The following STOX2 variants were observed in gnomAD, a reference collection of about 807,000 sequenced individuals.
STOX2 encodes the protein storkhead box 2, also known as storkhead-box protein 2.
Under a neutral mutation model 60.9 loss-of-function variants are expected in STOX2, and 28 were observed. The ratio of observed to expected loss-of-function variants is 0.46; its 90% CI spans 0.34 to 0.63. The LOEUF is 0.63. STOX2 is among the 30% of genes least tolerant of loss of function. The pLI is 0.01. For synonymous variants in STOX2, 472 were observed against 463.9 expected (o/e 1.02, Z -0.22); for missense variants, 1,024 against 1,187.7 (o/e 0.86, Z 2.03).
At chr4:183,860,088 C>CTT (rs34734140) in intron 1 of STOX2, among the ~76,000 whole-genome samples, 153 of 149,506 alleles carry the variant, frequency 1.0e-3, no homozygotes, top group Middle Eastern at 3.4e-3. Flanking sequence ...AAATCATATT[C>CTT]TTTTTTTTTT....
chr4:184,014,110 CAAA>C (rs10527539), intron 3 of STOX2: 2 of 138,642 alleles, frequency 1.4e-5, no homozygotes, highest in African/African-American at 5.4e-5. Context: ...AAGCCCCAAC[CAAA>C]AAAAAAAAAA....
Position 184,009,167 on chromosome 4 carries a change from C to G in STOX2, c.329C>G (p.Thr110Arg). Reference protein sequence around the residue: ...HLTTCFPGVPTPSQEILRHTL... With the variant: ...HLTTCFPGVPRPSQEILRHTL... ...TTTTTTTTTTTTTCAGGTGTTCCAA[C>G]GCCAAGCCAAGAAATTCTGCGGCAC... The change falls in exon 3 of 4, where the codon ACG becomes AGG. Residue 110 changes from threonine (T) to arginine (R), a missense_variant. Thr to Arg is a moderately conservative substitution (Grantham distance 71). Around this residue, in one of 3 missense-constraint regions of STOX2, gnomAD observed 922 missense variants for 1,058.3 expected, o/e 0.87. Transcript: ENST00000308497. This position sits in a 1 kb window ranked among gnomAD's most constrained non-coding sequence, Gnocchi z 4.0. 1 of 700,610 alleles carries G rather than the reference C, an allele frequency of 1.4e-6. No homozygotes were observed. The highest frequency in any genetic ancestry group is 2.2e-6 in the Non-Finnish European group (1 of 456,032). 43.4% of individuals were successfully genotyped at this position (700,610 alleles called of 1,614,324 possible).
chr4:183,964,783 C>G (rs1179692582), intron 1 of STOX2, among the ~76,000 whole-genome samples: 1 of 152,088 alleles, frequency 6.6e-6, no homozygotes, highest in Non-Finnish European at 1.5e-5. Context: ...GGGGTTTCAC[C>G]ATATTGGCCA....
intron 1 of STOX2, among the ~76,000 whole-genome samples, chr4:183,810,563 G>A (rs1347007435): frequency 6.6e-6 from 1 of 152,200 alleles, no homozygotes; most frequent in Non-Finnish European, 1.5e-5. Context: ...GTTCCCCAAA[G>A]TTCGTATCTT....
chr4:183,944,684 A>G (rs1196112587), intron 1 of STOX2, among the ~76,000 whole-genome samples: 2 of 152,262 alleles, frequency 1.3e-5, no homozygotes, highest in Non-Finnish European at 2.9e-5. Flanking sequence ...ACTGCACCCC[A>G]GCCTAGGTGA....
intron 1 of STOX2, among the ~76,000 whole-genome samples, chr4:183,832,772 G>A (rs555885985): frequency 5.8e-4 from 89 of 152,182 alleles, no homozygotes; most frequent in East Asian, 5.8e-3. Context: ...TTAGAGGCGT[G>A]AGCCACCACA....
rs1333379736 is a variant in STOX2, at chr4:183,806,438, T to C, written c.364+8383T>C. The stretch of plus-strand genomic sequence containing the variant: ...GGAGCTCACGGAGGGCTTCCTGGTG[T>C]CTTGAAGGGGTGGAATCCAGTCTGG... On this transcript the variant is annotated intron_variant, in intron 1 of 2. Transcript: ENST00000513034. This position sits in a 1 kb window ranked among gnomAD's most constrained non-coding sequence, Gnocchi z 4.1. 6.6e-6 allele frequency among the ~76,000 whole-genome samples: 1 copy of C among 152,098 alleles called. No individual in the cohort carries two copies. Among genetic ancestry groups the C allele is most frequent in the African/African-American group, 2.4e-5 (1 of 41,426 alleles).
chr4:183,811,928 ATTTTTTT>A (rs529589265), intron 1 of STOX2, among the ~76,000 whole-genome samples: 1,983 of 129,702 alleles, frequency 0.015, 49 homozygotes, highest in African/African-American at 0.051. Flanking sequence ...GAAAGCCTGG[ATTTTTTT>A]TTTTTTTTTT....
rs531173748 is a variant in STOX2 at position 183,815,860 on chromosome 4, T to C, written c.364+17805T>C. Among the ~76,000 whole-genome samples the C allele has an allele frequency of 3.9e-5, 6 of 152,350 alleles. No individual in the cohort carries two copies. In the East Asian group the frequency reaches 1.2e-3, roughly 29 times the overall value. ...CTATTTTCAGGAAGGCAGAGGAAAA[T>C]GTCAAACTTTAGACAACTTGTGTGT... On this transcript the variant is annotated intron_variant, in intron 1 of 2. Coordinates refer to the STOX2 transcript ENST00000513034.
rs570330323 is a variant in STOX2, at chr4:183,804,052, G to A, written c.364+5997G>A. On this transcript the variant is annotated intron_variant, in intron 1 of 2. Coordinates refer to the STOX2 transcript ENST00000513034. ...AATTAAGCACTTGATAGAATAGAGA[G>A]CGCTGGGGAGAAATGACAGAATAGC... 8.1e-4 allele frequency among the ~76,000 whole-genome samples: 124 copies of A among 152,230 alleles called. 1 individual carries two copies. The highest frequency in any genetic ancestry group is 2.3e-3 in the South Asian group (11 of 4,818).
intron 1 of STOX2, among the ~76,000 whole-genome samples, chr4:183,838,692 C>T (rs968313610): frequency 3.9e-5 from 6 of 152,198 alleles, no homozygotes; most frequent in Admixed American, 6.5e-5. Flanking sequence ...CTGTGCTTCC[C>T]ATTCCAGGGG....
At chr4:183,888,372 C>A (rs1402914553) in intron 1 of STOX2, among the ~76,000 whole-genome samples, 1 of 152,196 alleles carries the variant, frequency 6.6e-6, no homozygotes, top group Non-Finnish European at 1.5e-5. Context: ...CCCCGTTTTA[C>A]AGCCGGGGAA....
chr4:183,998,873 G>A (rs1279097292), intron 1 of STOX2, among the ~76,000 whole-genome samples: 1 of 151,934 alleles, frequency 6.6e-6, no homozygotes, highest in Non-Finnish European at 1.5e-5. Context: ...ACTTCATTTG[G>A]GCTGGGCATG....
chr4:183,912,438 C>A (rs1255233707), intron 1 of STOX2, among the ~76,000 whole-genome samples: 1 of 152,146 alleles, frequency 6.6e-6, no homozygotes, highest in Non-Finnish European at 1.5e-5. Context: ...GAGCTCTTTA[C>A]CTGCATCAGC....
intron 1 of STOX2, among the ~76,000 whole-genome samples, chr4:183,800,253 G>A (rs934284536): frequency 8.5e-5 from 13 of 152,098 alleles, no homozygotes; most frequent in African/African-American, 2.9e-4. Context: ...AAGCTGATGA[G>A]GATTGGCTCA....
chr4:183,856,124 C>G lies in STOX2; in HGVS notation c.364+58069C>G, dbSNP rs1199982873. ...TCTCAGAAACATCCTAAGTGCGCAC[C>G]CTGGGGTCTCGAATAGGCTGGTCAC... is the stretch of plus-strand genomic sequence containing the variant. On this transcript the variant is annotated intron_variant, in intron 1 of 2. Transcript: ENST00000513034. The surrounding 1 kb of genome is among the most constrained non-coding windows in gnomAD (Gnocchi z 4.0). 6.6e-6 allele frequency among the ~76,000 whole-genome samples: 1 copy of G among 152,054 alleles called. No homozygotes were observed. Among genetic ancestry groups the G allele is most frequent in the East Asian group, 1.9e-4 (1 of 5,194 alleles).
intron 1 of STOX2, among the ~76,000 whole-genome samples, chr4:183,958,764 G>A (rs1743330954): frequency 6.6e-6 from 1 of 152,126 alleles, no homozygotes; most frequent in African/African-American, 2.4e-5. Context: ...GTCTGCCTCG[G>A]TGTCCCGGGC....
intron 1 of STOX2, among the ~76,000 whole-genome samples, chr4:183,950,323 A>G (rs1351938537): frequency 1.3e-5 from 2 of 152,198 alleles, no homozygotes; most frequent in Non-Finnish European, 2.9e-5. Context: ...CTCCGCCTTC[A>G]TGGACCTACA....
chr4:183,981,596 C>G (rs764212841), intron 1 of STOX2, among the ~76,000 whole-genome samples: 1 of 152,152 alleles, frequency 6.6e-6, no homozygotes, highest in Non-Finnish European at 1.5e-5. Flanking sequence ...AATTTAGAAT[C>G]TGGCTTTTTA....
Sources: allele counts gnomAD v4.1 joint callset (sites outside exome capture counted in the v4.1 genomes callset), GRCh38; gene constraint gnomAD v4.1.1; regional missense constraint gnomAD v4.1.1; non-coding constraint Gnocchi (gnomAD v3.1); transcripts MANE v1.5; gene names NCBI Gene and HGNC (gene_info 2026-07-23, HGNC 2026-07-21).